KAZN: variants seen among roughly 807,000 people sequenced by gnomAD.
KAZN encodes kazrin.
In KAZN, 40 loss-of-function variants were observed where a neutral mutation model predicts 87.4. That is an observed-to-expected ratio of 0.46 (90% CI 0.36 to 0.60). The LOEUF is 0.60. Ranked by LOEUF, KAZN falls within the 20% of genes least tolerant of loss-of-function variation. The pLI is 0.00. For synonymous variants in KAZN, 466 were observed against 458.3 expected, an observed-to-expected ratio of 1.02 and a Z score of -0.22; for missense variants, 898 against 1,073.9, an observed-to-expected ratio of 0.84 and a Z score of 2.29.
At chr1:14,466,881 A>G (rs2148360867) in intron 2 of KAZN, among the ~76,000 whole-genome samples, 1 of 152,274 alleles carries the variant, frequency 6.6e-6, no homozygotes, top group Non-Finnish European at 1.5e-5. Context: ...AGGCAGGAGA[A>G]TGGCGTGAAC....
At chr1:14,414,545 T>G (rs758307836) in intron 2 of KAZN, among the ~76,000 whole-genome samples, 4 of 152,178 alleles carry the variant, frequency 2.6e-5, no homozygotes, top group African/African-American at 7.2e-5. Context: ...AGTTTCAGAA[T>G]GATTTATTCA....
At chr1:14,750,452 G>A (rs1345743812) in intron 1 of KAZN, among the ~76,000 whole-genome samples, 1 of 152,136 alleles carries the variant, frequency 6.6e-6, no homozygotes, top group Non-Finnish European at 1.5e-5. Flanking sequence ...TACGAACACT[G>A]AGGCTTCAGT....
chr1:14,545,441 C>A (rs1183059984), intron 2 of KAZN, among the ~76,000 whole-genome samples: 1 of 152,140 alleles, frequency 6.6e-6, no homozygotes, highest in Non-Finnish European at 1.5e-5. Context: ...CGCTCCATGA[C>A]CTTGGGACAG....
At position 15,081,508 on chromosome 1, in the gene KAZN, C is replaced by A. The variant is rs1055827632; in HGVS notation, c.1223-12672C>A. 6.6e-6 allele frequency among the ~76,000 whole-genome samples: 1 copy of A among 152,014 alleles called. No individual in the cohort carries two copies. The highest frequency in any genetic ancestry group is 2.4e-5 in the African/African-American group (1 of 41,362). On this transcript the variant is annotated intron_variant, in intron 8 of 14. Transcript: ENST00000376030. This position sits in a 1 kb window ranked among gnomAD's most constrained non-coding sequence, Gnocchi z 4.1. Reference sequence around the variant, plus strand: ...TTCATCGAATAATTACACAACTGTTCGTTTCAGCTGTGAGAGATGTCATGC... The same window carrying A: ...TTCATCGAATAATTACACAACTGTTAGTTTCAGCTGTGAGAGATGTCATGC...
intron 2 of KAZN, among the ~76,000 whole-genome samples, chr1:14,352,126 T>C (rs1658595375): frequency 6.6e-6 from 1 of 152,250 alleles, no homozygotes; most frequent in Admixed American, 6.5e-5. Flanking sequence ...CTTTGTATAA[T>C]GTTATACATC....
chr1:13,985,359 T>C (rs376393646), intron 1 of KAZN, among the ~76,000 whole-genome samples: 2,786 of 151,906 alleles, frequency 0.018, 50 homozygotes, highest in South Asian at 0.067. Context: ...ATATACACCA[T>C]GGAATACTAT....
At chr1:14,029,853 T>C (rs1326377926) in intron 1 of KAZN, among the ~76,000 whole-genome samples, 1 of 152,178 alleles carries the variant, frequency 6.6e-6, no homozygotes, top group Non-Finnish European at 1.5e-5. Context: ...TTGGTACCAG[T>C]ACCATGCTGT....
chr1:15,112,789 G>T, intron 14 of KAZN: 1 of 412,856 alleles, frequency 2.4e-6, no homozygotes, highest in Non-Finnish European at 4.5e-6. Context: ...GGTCTCACCT[G>T]CCTGCATGAG....
chr1:14,326,990 C>T (rs772836086), intron 2 of KAZN, among the ~76,000 whole-genome samples: 1 of 152,138 alleles, frequency 6.6e-6, no homozygotes, highest in African/African-American at 2.4e-5. Flanking sequence ...TCCTATCCAA[C>T]ATCAGCTCTA....
chr1:14,296,590 A>G (rs1481023409), intron 2 of KAZN, among the ~76,000 whole-genome samples: 1 of 144,122 alleles, frequency 6.9e-6, no homozygotes, highest in Non-Finnish European at 1.5e-5. Context: ...TGAAAACTAC[A>G]CTACTTTTGG....
intron 2 of KAZN, among the ~76,000 whole-genome samples, chr1:14,259,229 G>A (rs1650821018): frequency 6.6e-6 from 1 of 152,092 alleles, no homozygotes; most frequent in Non-Finnish European, 1.5e-5. Context: ...CTGGGAGCAC[G>A]TGTGCAACTC....
chr1:14,497,904 A>T (rs963623637), intron 2 of KAZN, among the ~76,000 whole-genome samples: 2 of 152,192 alleles, frequency 1.3e-5, no homozygotes, highest in South Asian at 4.1e-4. Context: ...GAAAGAAGTC[A>T]TGTTAATTCC....
intron 1 of KAZN, among the ~76,000 whole-genome samples, chr1:14,633,071 C>T (rs1024767314): frequency 3.9e-5 from 6 of 152,092 alleles, no homozygotes; most frequent in African/African-American, 1.2e-4. Flanking sequence ...CACCTGCCAT[C>T]GTGCCTGGCC....
intron 2 of KAZN, among the ~76,000 whole-genome samples, chr1:14,457,874 G>A (rs35535732): frequency 0.072 from 10,820 of 150,516 alleles, 459 homozygotes; most frequent in Middle Eastern, 0.12. Context: ...CTGGAGTGCA[G>A]TGGTGCAATC....
At chr1:13,996,389 C>T (rs1108860) in intron 1 of KAZN, among the ~76,000 whole-genome samples, 22,118 of 152,106 alleles carry the variant, frequency 0.15, 1,719 homozygotes, top group Middle Eastern at 0.22. Flanking sequence ...TTGAGCTCCT[C>T]GAGGGAGGAG....
At chr1:14,261,934 A>C (rs1188746965) in intron 2 of KAZN, among the ~76,000 whole-genome samples, 1 of 152,128 alleles carries the variant, frequency 6.6e-6, no homozygotes, top group Non-Finnish European at 1.5e-5. Context: ...GTGGTCCCCA[A>C]ATGGTGGTGG....
intron 1 of KAZN, among the ~76,000 whole-genome samples, chr1:13,996,046 A>C (rs2101125006): frequency 6.7e-6 from 1 of 148,832 alleles, no homozygotes; most frequent in South Asian, 2.2e-4. Context: ...ACAACGGACT[A>C]GGAGGCTGGC....
intron 1 of KAZN, among the ~76,000 whole-genome samples, chr1:13,898,733 C>T (rs991964564): frequency 2.6e-5 from 4 of 152,170 alleles, no homozygotes; most frequent in Non-Finnish European, 4.4e-5. Context: ...TGCAGAAACT[C>T]AGACATGTGC....
At chr1:14,200,415 G>A (rs889240478) in intron 2 of KAZN, among the ~76,000 whole-genome samples, 2 of 151,810 alleles carry the variant, frequency 1.3e-5, no homozygotes, top group Non-Finnish European at 2.9e-5. Context: ...AACTAGTAGG[G>A]GAAAACACTT....
Sources: allele counts gnomAD v4.1 joint callset (sites outside exome capture counted in the v4.1 genomes callset), GRCh38; gene constraint gnomAD v4.1.1; non-coding constraint Gnocchi (gnomAD v3.1); transcripts MANE v1.5; gene names NCBI Gene and HGNC (gene_info 2026-07-23, HGNC 2026-07-21).